The following EPHB4 variants were observed in gnomAD, a reference collection of about 807,000 sequenced individuals.
EPHB4 encodes the protein ephrin type-B receptor 4.
A neutral mutation model predicts 110.6 loss-of-function variants in EPHB4; 50 were observed. That is an observed-to-expected ratio of 0.45 (90% CI 0.36 to 0.57). The LOEUF is 0.57. Among genes scored for constraint, EPHB4 ranks in the 20% least tolerant of loss-of-function variants. The pLI is 0.00. For synonymous variants in EPHB4, 592 were observed against 578.4 expected (o/e 1.02, Z -0.34); for missense variants, 1,128 against 1,382.1 (o/e 0.82, Z 2.91).
rs573085857 is a variant in EPHB4, at chr7:100,822,803, C to A, written c.412-136G>T. ...AATCTTCCCTCCACCTTCCCCAGGG[C>A]ACACTTTCTGCAGGCCCCCACACTG... is the stretch of plus-strand genomic sequence containing the variant. On this transcript the variant is annotated intron_variant, in intron 3 of 16. Coordinates refer to ENST00000358173, the MANE Select transcript of EPHB4 (RefSeq NM_004444.5). The surrounding 1 kb of genome is among the most constrained non-coding windows in gnomAD (Gnocchi z 4.7). 1 of 1,333,318 alleles carries A rather than the reference C, an allele frequency of 7.5e-7. No individual in the cohort carries two copies. Among genetic ancestry groups the A allele is most frequent in the South Asian group, 1.5e-5 (1 of 64,528 alleles). The allele number at this position is 1,333,318 out of a possible 1,614,324, so 82.6% of individuals were successfully genotyped here. A position where few individuals can be genotyped will look rare whatever the true frequency, so the allele number is the denominator to read the frequency against.
rs1220703173 is a variant in EPHB4 at position 100,820,703 on chromosome 7, C to G, written c.809-407G>C. Among the ~76,000 whole-genome samples the G allele has an allele frequency of 2.6e-5, 4 of 152,108 alleles. No homozygotes were observed. The East Asian group carries it at 7.7e-4, about 29-fold the overall frequency. ...AAAATACATAGGAATACCAGGGAAA[C>G]CAATTAAGCTGAAATGCAATGAAAC... On this transcript the variant is annotated intron_variant, in intron 4 of 16. Transcript: ENST00000358173.
rs1026430537 is a variant in EPHB4 at position 100,803,647 on chromosome 7, C to T, written c.2835-57G>A. ...CTAGGTTCCCTGTGGCCGCTCTCCT[C>T]TCTTGGCTCCTGAGACGGTCCTAGC... On this transcript the variant is annotated intron_variant, in intron 16 of 16. Coordinates refer to ENST00000358173, the MANE Select transcript of EPHB4 (RefSeq NM_004444.5). 47 of 1,534,796 alleles carry T rather than the reference C, an allele frequency of 3.1e-5. 1 individual carries two copies. In the African/African-American group the frequency reaches 3.2e-4, roughly 11 times the overall value.
chr7:100,822,352 C>A lies in EPHB4; in HGVS notation c.727G>T (p.Gly243Cys). 1 of 1,570,464 alleles carries A rather than the reference C, an allele frequency of 6.4e-7. No individual in the cohort carries two copies. The highest frequency in any genetic ancestry group is 8.6e-7 in the Non-Finnish European group (1 of 1,156,870). ...PSPSLYCRED[G>C]QWAEQPVTGC... Reference sequence around the variant, plus strand: ...GTGACCGGCTGTTCGGCCCACTGGCCATCCTCACGGCAGTAGAGGCTGGGG... The same window carrying A: ...GTGACCGGCTGTTCGGCCCACTGGCAATCCTCACGGCAGTAGAGGCTGGGG... Residue 243 changes from glycine (G) to cysteine (C), a missense_variant, in exon 4 of 17, where the codon GGC (glycine) becomes TGC (cysteine). Physicochemically the swap from Gly to Cys is radical, Grantham distance 159. Transcript: ENST00000358173. This position sits in a 1 kb window ranked among gnomAD's most constrained non-coding sequence, Gnocchi z 4.7.
At position 100,820,265 on chromosome 7, in the gene EPHB4, T is replaced by C; in HGVS notation, c.840A>G (p.Ser280=). The change falls in exon 5 of 17, where the codon TCA becomes TCG. Residue 280 remains serine, a synonymous_variant. Transcript: ENST00000358173. Reference sequence around the variant, plus strand: ...GGCATGGCTGGCAGGACCCTTCTCCTGACAGGGGCTTGAAGGTGCCCTGGG... The same window carrying C: ...GGCATGGCTGGCAGGACCCTTCTCCCGACAGGGGCTTGAAGGTGCCCTGGG... The part of the protein sequence containing the change: ...ACAQGTFKPL[S]GEGSCQPCPA... The C allele has an allele frequency of 1.2e-6, 2 of 1,613,910 alleles. No homozygotes were observed. The highest frequency in any genetic ancestry group is 1.7e-6 in the Non-Finnish European group (2 of 1,179,958).
Position 100,827,490 on chromosome 7 carries a change from C to G in EPHB4, c.-460G>C, listed in dbSNP as rs1813443950. 1 of 150,786 alleles carries G rather than the reference C, an allele frequency of 6.6e-6. No individual in the cohort carries two copies. Among genetic ancestry groups the G allele is most frequent in the Non-Finnish European group, 1.5e-5 (1 of 67,496 alleles). The allele number at this position is 150,786 out of a possible 1,614,324, so 9.3% of individuals were successfully genotyped here. A position where few individuals can be genotyped will look rare whatever the true frequency, so the allele number is the denominator to read the frequency against. ...AGACTGCGGCGCGGAGCCGGGCGGG[C>G]CGGGCCGGGCAGGGGCTGAGCTGCG... On this transcript the variant is annotated 5_prime_UTR_variant, in exon 1 of 17. Transcript: ENST00000358173.
chr7:100,806,238 G>T, intron 14 of EPHB4, 182 bp downstream of exon 14: 1 of 688,580 alleles, frequency 1.5e-6, no homozygotes, highest in Non-Finnish European at 2.2e-6. Flanking sequence ...GGGATTACAG[G>T]CTTGAGCCAC....
In EPHB4 at chr7:100,827,129, C is replaced by G. The variant is rs1813428421; in HGVS notation, c.-99G>C. The stretch of plus-strand genomic sequence containing the variant: ...GGCGGGTGGACGCCGATACTCCGCG[C>G]GGGACTCCTCGTCGGGGCCCTCAGC... On this transcript the variant is annotated 5_prime_UTR_variant, in exon 1 of 17. Transcript: ENST00000358173. 3.0e-6 allele frequency: 4 copies of G among 1,329,564 alleles called. No individual in the cohort carries two copies. Among genetic ancestry groups the G allele is most frequent in the Non-Finnish European group, 4.1e-6 (4 of 977,980 alleles). The allele number at this position is 1,329,564 out of a possible 1,614,324, so 82.4% of individuals were successfully genotyped here. A position where few individuals can be genotyped will look rare whatever the true frequency, so the allele number is the denominator to read the frequency against.
intron 12 of EPHB4, among the ~76,000 whole-genome samples, chr7:100,808,127 C>T (rs931203822): frequency 5.3e-5 from 8 of 152,234 alleles, no homozygotes; most frequent in African/African-American, 1.7e-4. Flanking sequence ...CTCTCCCAAT[C>T]GGATTATGAG....
At chr7:100,826,822 G>T in intron 1 of EPHB4, 157 bp downstream of exon 1, 2 of 700,090 alleles carry the variant, frequency 2.9e-6, no homozygotes, top group South Asian at 8.4e-5. Flanking sequence ...CCTCTTCCCC[G>T]CCCCCCTCCC....
intron 1 of EPHB4, chr7:100,826,762 A>C: frequency 2.0e-6 from 1 of 497,060 alleles, no homozygotes; most frequent in Admixed American, 3.3e-5. Context: ...GGTCGTAGCC[A>C]GACTCCATCT....
intron 1 of EPHB4, chr7:100,824,566 A>G (rs1813323355): frequency 5.0e-6 from 2 of 401,634 alleles, no homozygotes; most frequent in South Asian, 6.0e-5. Flanking sequence ...AAGGGGCGGC[A>G]GCTCAGAAAG....
intron 8 of EPHB4, among the ~76,000 whole-genome samples, chr7:100,816,055 G>A (rs528159476): frequency 2.6e-5 from 4 of 151,832 alleles, no homozygotes; most frequent in African/African-American, 9.7e-5. Flanking sequence ...TCGGGAAGCC[G>A]AGGCGGGTGG....
Position 100,819,839 on chromosome 7 carries a change from G to C in EPHB4, c.1015C>G (p.Leu339Val). ...SVVSRLNGSS[L>V]HLEWSAPLES... Reference sequence around the variant, plus strand: ...AGGGGGGCACTCCATTCCAGGTGCAGGGAGGAGCCGTTCAGGCGGGAAACC... The same window carrying C: ...AGGGGGGCACTCCATTCCAGGTGCACGGAGGAGCCGTTCAGGCGGGAAACC... Residue 339 changes from leucine to valine, a missense_variant, in exon 6 of 17, where the codon CTG (leucine) becomes GTG (valine). By Grantham distance (32) the Leu-to-Val change is conservative. This residue lies in a region of EPHB4 where 728 missense variants were observed against 828.6 expected (regional missense o/e 0.88). Transcript: ENST00000358173. 6.4e-7 allele frequency: 1 copy of C among 1,554,914 alleles called. No homozygotes were observed. The highest frequency in any genetic ancestry group is 1.2e-5 in the South Asian group (1 of 84,934).
rs1813301307 is a variant in EPHB4, at chr7:100,823,761, C to T, written c.294G>A (p.Leu98=). 1.2e-6 allele frequency: 2 copies of T among 1,613,482 alleles called. No homozygotes were observed. Among genetic ancestry groups the T allele is most frequent in the Admixed American group, 1.7e-5 (1 of 60,014 alleles). ...ATLRFTMLEC[L]SLPRAGRSCK... ...AGGAGCGCCCAGCCCGAGGCAGGGA[C>T]AGGCACTCGAGCATGGTGAAGCGCA... is the stretch of plus-strand genomic sequence containing the variant. Residue 98 remains leucine, a synonymous_variant, in exon 3 of 17, where the codon CTG becomes CTA. Transcript: ENST00000358173.
intron 4 of EPHB4, among the ~76,000 whole-genome samples, chr7:100,821,593 A>G (rs1190404563): frequency 6.7e-6 from 1 of 150,126 alleles, no homozygotes; most frequent in Non-Finnish European, 1.5e-5. Flanking sequence ...GCACCACTGC[A>G]CTCCAGCCTG....
chr7:100,817,352 G>A lies in EPHB4; in HGVS notation c.1428C>T (p.Ala476=), dbSNP rs1386844158. ...DYEVKYHEKG[A]EGPSSVRFLK... ...GGAACCGCACGCTGCTGGGACCCTC[G>A]GCGCCCTGTCCGGGAGAGGTAGTGG... is the stretch of plus-strand genomic sequence containing the variant. Residue 476 remains alanine, a synonymous_variant, in exon 8 of 17, where the codon GCC becomes GCT. Coordinates refer to ENST00000358173, the MANE Select transcript of EPHB4 (RefSeq NM_004444.5). 22 of 1,567,434 alleles carry A rather than the reference G, an allele frequency of 1.4e-5. No individual in the cohort carries two copies. The highest frequency in any genetic ancestry group is 3.5e-5 in the South Asian group (3 of 85,286).
intron 14 of EPHB4, chr7:100,805,976 T>A (rs1812810016): frequency 2.7e-6 from 1 of 366,290 alleles, no homozygotes; most frequent in Non-Finnish European, 4.8e-6. Flanking sequence ...TATTTATTTA[T>A]TAAGACAGAG....
intron 1 of EPHB4, 125 bp downstream of exon 1, chr7:100,826,854 A>G: frequency 8.5e-6 from 7 of 825,136 alleles, no homozygotes; most frequent in East Asian, 4.4e-5. Flanking sequence ...ATCGGTCCGA[A>G]GTGTTTGGGA....
chr7:100,805,363 A>G, intron 15 of EPHB4, 42 bp from the exon 16 acceptor site: 1 of 1,610,720 alleles, frequency 6.2e-7, no homozygotes, highest in Non-Finnish European at 8.5e-7. Context: ...TACCAGGCCC[A>G]GGTCCGGGGG....
Sources: gnomAD v4.1 joint callset for allele counts (sites outside exome capture counted in the v4.1 genomes callset) on GRCh38, gnomAD v4.1.1 for gene constraint, gnomAD v4.1.1 regional missense constraint, Gnocchi (gnomAD v3.1) non-coding constraint, MANE v1.5 for transcripts, NCBI Gene and HGNC (gene_info 2026-07-23, HGNC 2026-07-21) for gene names.